PITPNB: variants seen among roughly 807,000 people sequenced by gnomAD.
PITPNB encodes phosphatidylinositol transfer protein beta.
A neutral mutation model predicts 45.9 loss-of-function variants in PITPNB; 16 were observed. The ratio of observed to expected loss-of-function variants is 0.35; its 90% CI spans 0.24 to 0.53. The LOEUF is 0.53. PITPNB is among the 20% of genes least tolerant of loss of function. The pLI is 0.93. For synonymous variants in PITPNB, 112 were observed against 108.9 expected (o/e 1.03, Z -0.18); for missense variants, 188 against 330.5 (o/e 0.57, Z 3.34).
chr22:27,917,235 T>G (rs940957172), intron 1 of PITPNB, among the ~76,000 whole-genome samples: 13 of 152,222 alleles, frequency 8.5e-5, no homozygotes, highest in African/African-American at 2.9e-4. Flanking sequence ...AAATTCCCAA[T>G]AGGAACTGCT....
intron 7 of PITPNB, chr22:27,894,339 A>C (rs1935374268): frequency 5.3e-6 from 2 of 376,460 alleles, no homozygotes; most frequent in East Asian, 7.5e-5. Context: ...GCACAAAGCC[A>C]AAATCTACAC....
intron 8 of PITPNB, among the ~76,000 whole-genome samples, chr22:27,871,965 G>A (rs1464247183): frequency 1.3e-5 from 2 of 151,454 alleles, no homozygotes; most frequent in African/African-American, 4.9e-5. Flanking sequence ...CACCATGTGA[G>A]ACGCCTGCTT....
At chr22:27,853,917 A>G (rs1420746099) in intron 11 of PITPNB, among the ~76,000 whole-genome samples, 6 of 148,226 alleles carry the variant, frequency 4.0e-5, no homozygotes, top group African/African-American at 1.5e-4. Flanking sequence ...GAGTTTAACA[A>G]AAGTAACAAT....
At chr22:27,901,064 C>CCT (rs151023476) in intron 3 of PITPNB, among the ~76,000 whole-genome samples, 4,181 of 152,232 alleles carry the variant, frequency 0.027, 58 homozygotes, top group Non-Finnish European at 0.032. Flanking sequence ...AATGGTGCTC[C>CCT]CTCATGATAA....
intron 7 of PITPNB, among the ~76,000 whole-genome samples, chr22:27,893,390 C>T (rs9625355): frequency 0.11 from 16,395 of 150,732 alleles, 958 homozygotes; most frequent in African/African-American, 0.13. Flanking sequence ...GCTCATGCCA[C>T]TCTCCTGCCT....
In PITPNB at chr22:27,919,199, G is replaced by A. The variant is rs755146394; in HGVS notation, c.-8C>T. ...TTCCTTGATCAGCACCATCTTCCCG[G>A]AACCCCCTCACAGCTGCCGCCGATA... On this transcript the variant is annotated 5_prime_UTR_variant, in exon 1 of 12. Transcript: ENST00000335272. 1 of 1,613,160 alleles carries A rather than the reference G, an allele frequency of 6.2e-7. No individual in the cohort carries two copies. The highest frequency in any genetic ancestry group is 1.1e-5 in the South Asian group (1 of 91,070).
intron 8 of PITPNB, among the ~76,000 whole-genome samples, chr22:27,865,965 T>C (rs1934471596): frequency 6.6e-6 from 1 of 152,196 alleles, no homozygotes; most frequent in Non-Finnish European, 1.5e-5. Context: ...ATAACTCCAA[T>C]CCAGCCCAAA....
At chr22:27,870,154 C>T (rs1934611036) in intron 8 of PITPNB, among the ~76,000 whole-genome samples, 1 of 152,202 alleles carries the variant, frequency 6.6e-6, no homozygotes, top group African/African-American at 2.4e-5. Flanking sequence ...AAATGGCAGA[C>T]ATTCTGCTGT....
intron 7 of PITPNB, chr22:27,894,196 T>C (rs1347713919): frequency 1.2e-5 from 2 of 165,636 alleles, no homozygotes; most frequent in Non-Finnish European, 2.6e-5. Context: ...ATTTTTGCTT[T>C]CTTAATCACA....
intron 7 of PITPNB, among the ~76,000 whole-genome samples, chr22:27,876,576 A>T (rs1934826523): frequency 6.6e-6 from 1 of 152,252 alleles, no homozygotes; most frequent in Non-Finnish European, 1.5e-5. Context: ...GATATTAAGA[A>T]GCAGGAAGTA....
At chr22:27,863,883 T>C (rs1373130711) in intron 8 of PITPNB, among the ~76,000 whole-genome samples, 1 of 152,206 alleles carries the variant, frequency 6.6e-6, no homozygotes, top group African/African-American at 2.4e-5. Flanking sequence ...ATACTGGTAA[T>C]TCATAAAGTG....
chr22:27,904,991 C>A (rs1935714900), intron 3 of PITPNB, among the ~76,000 whole-genome samples: 1 of 152,172 alleles, frequency 6.6e-6, no homozygotes, highest in Admixed American at 6.5e-5. Flanking sequence ...GAAAATACTT[C>A]TGATATTTTT....
At position 27,892,443 on chromosome 22, in the gene PITPNB, G is replaced by A. The variant is rs192627489; in HGVS notation, c.456+2112C>T. 1.1e-4 allele frequency among the ~76,000 whole-genome samples: 17 copies of A among 152,212 alleles called. 1 individual carries two copies. The East Asian group carries it at 3.3e-3, about 29-fold the overall frequency. Reference sequence around the variant, plus strand: ...TATGGACCATAAGTCTGAGTCAGTCGAGCCATTTTGTTTGGTCATTATAGC... The same window carrying A: ...TATGGACCATAAGTCTGAGTCAGTCAAGCCATTTTGTTTGGTCATTATAGC... On this transcript the variant is annotated intron_variant, in intron 7 of 11. Coordinates refer to ENST00000335272, the MANE Select transcript of PITPNB (RefSeq NM_012399.5).
chr22:27,909,474 G>C (rs563457945), intron 3 of PITPNB, among the ~76,000 whole-genome samples: 1 of 152,120 alleles, frequency 6.6e-6, no homozygotes, highest in Non-Finnish European at 1.5e-5. Context: ...AAACAATGAA[G>C]AAAGCATATG....
chr22:27,868,206 C>T (rs1478851349), intron 8 of PITPNB, among the ~76,000 whole-genome samples: 1 of 152,048 alleles, frequency 6.6e-6, no homozygotes, highest in Admixed American at 6.6e-5. Flanking sequence ...AAGAGAGCAC[C>T]TCCCAGTGTT....
rs114003355 is a variant in PITPNB at position 27,883,985 on chromosome 22, T to C, written c.457-10170A>G. ...GGAGTGCCTGTGTCCTCTGGGGTATTAAGAAAAAAAATGTGACTAGTGAGT... is the reference window on the plus strand; with the variant it reads ...GGAGTGCCTGTGTCCTCTGGGGTATCAAGAAAAAAAATGTGACTAGTGAGT... On this transcript the variant is annotated intron_variant, in intron 7 of 11. Transcript: ENST00000335272. 6.5e-3 allele frequency among the ~76,000 whole-genome samples: 992 copies of C among 152,152 alleles called. 7 individuals carry two copies. The highest frequency in any genetic ancestry group is 0.022 in the African/African-American group (897 of 41,528).
At chr22:27,876,307 T>G (rs77759187) in intron 7 of PITPNB, among the ~76,000 whole-genome samples, 7,334 of 152,296 alleles carry the variant, frequency 0.048, 290 homozygotes, top group South Asian at 0.11. Context: ...CAACTGTGTG[T>G]ATGTAAAATA....
At chr22:27,908,000 C>T (rs1362239510) in intron 3 of PITPNB, among the ~76,000 whole-genome samples, 1 of 151,778 alleles carries the variant, frequency 6.6e-6, no homozygotes, top group Middle Eastern at 3.2e-3. Flanking sequence ...GAGCCAAAAT[C>T]TTCTTTTATT....
At chr22:27,872,596 A>C (rs558968125) in intron 8 of PITPNB, among the ~76,000 whole-genome samples, 2 of 152,332 alleles carry the variant, frequency 1.3e-5, no homozygotes, top group African/African-American at 4.8e-5. Context: ...AAGACAGTCC[A>C]CAAAACAGTC....
Sources: allele counts gnomAD v4.1 joint callset (sites outside exome capture counted in the v4.1 genomes callset), GRCh38; gene constraint gnomAD v4.1.1; transcripts MANE v1.5; gene names NCBI Gene and HGNC (gene_info 2026-07-23, HGNC 2026-07-21).